ADAM12: variants seen among roughly 807,000 people sequenced by gnomAD.
The protein encoded by ADAM12 is ADAM metallopeptidase domain 12.
ADAM12 carries 70 observed loss-of-function variants against 106.4 expected under a neutral mutation model. The ratio of observed to expected loss-of-function variants is 0.66; its 90% CI spans 0.54 to 0.80. The LOEUF (loss-of-function observed/expected upper bound fraction) is 0.80. Ranked by LOEUF, ADAM12 falls within the 30% of genes least tolerant of loss-of-function variation. ADAM12 has a pLI of 0.00. For synonymous variants in ADAM12, 420 were observed against 433.5 expected (o/e 0.97, Z 0.39); for missense variants, 1,010 against 1,171.9 (o/e 0.86, Z 2.02).
intron 11 of ADAM12, among the ~76,000 whole-genome samples, chr10:126,072,458 T>C (rs970209603): frequency 4.6e-5 from 7 of 152,044 alleles, no homozygotes; most frequent in Non-Finnish European, 8.8e-5. Context: ...TTTAAGCGAG[T>C]ATTCCTTCTT....
At chr10:126,315,585 G>A (rs556532257) in intron 2 of ADAM12, among the ~76,000 whole-genome samples, 33 of 152,102 alleles carry the variant, frequency 2.2e-4, no homozygotes, top group South Asian at 2.1e-4. Flanking sequence ...CATCACAGGC[G>A]TTTCCCATGG....
At chr10:126,175,776 A>G (rs149871168) in intron 3 of ADAM12, among the ~76,000 whole-genome samples, 282 of 152,314 alleles carry the variant, frequency 1.9e-3, no homozygotes, top group African/African-American at 6.4e-3. Flanking sequence ...ACTTTGCAAA[A>G]CAAGCCCAGC....
intron 3 of ADAM12, among the ~76,000 whole-genome samples, chr10:126,192,814 CTGGTCCTCCTCAAAT>C (rs1240785377): frequency 6.6e-6 from 1 of 152,246 alleles, no homozygotes; most frequent in Non-Finnish European, 1.5e-5. Context: ...ATGTGACTAT[CTGGTCCTCCTCAAAT>C]GGCCTTGACT....
chr10:126,340,044 G>A (rs1036218019), intron 1 of ADAM12, among the ~76,000 whole-genome samples: 17 of 151,804 alleles, frequency 1.1e-4, no homozygotes, highest in African/African-American at 3.1e-4. Flanking sequence ...TAGTAGAGAT[G>A]GGGTTTCACC....
intron 3 of ADAM12, among the ~76,000 whole-genome samples, chr10:126,263,351 C>T (rs1405488703): frequency 6.6e-6 from 1 of 152,154 alleles, no homozygotes; most frequent in Admixed American, 6.5e-5. Flanking sequence ...TGAGAGAACT[C>T]AGGACCAGAG....
intron 3 of ADAM12, among the ~76,000 whole-genome samples, chr10:126,226,764 G>A (rs995872641): frequency 3.3e-5 from 5 of 152,148 alleles, no homozygotes; most frequent in African/African-American, 1.2e-4. Context: ...TTTACTGAGC[G>A]ATTACTATGT....
chr10:126,276,039 A>G (rs1469966797), intron 3 of ADAM12, among the ~76,000 whole-genome samples: 6 of 152,216 alleles, frequency 3.9e-5, no homozygotes, highest in African/African-American at 1.4e-4. Context: ...TGATTATACC[A>G]TGAATTTTTT....
chr10:126,385,700 AAAG>A (rs1361732511), intron 1 of ADAM12, among the ~76,000 whole-genome samples: 1 of 152,112 alleles, frequency 6.6e-6, no homozygotes, highest in African/African-American at 2.4e-5. Context: ...GGGTAGTTGA[AAAG>A]AAGAGAAGGC....
chr10:126,195,999 T>G lies in ADAM12; in HGVS notation c.261-40694A>C, dbSNP rs1957591010. On this transcript the variant is annotated intron_variant, in intron 3 of 22. Coordinates refer to ENST00000448723, the MANE Select transcript of ADAM12 (RefSeq NM_001288973.2). ...AGCGGATGGCCTCCAGGGGCCTGTTTCTTATAAAGTTTTATAGGAATGCAG... is the reference window on the plus strand; with the variant it reads ...AGCGGATGGCCTCCAGGGGCCTGTTGCTTATAAAGTTTTATAGGAATGCAG... Among the ~76,000 whole-genome samples, 22 of 152,204 alleles carry G rather than the reference T, an allele frequency of 1.4e-4. 1 individual carries two copies. The highest frequency in any genetic ancestry group is 1.4e-3 in the Admixed American group (22 of 15,278).
At chr10:126,368,270 T>C (rs1323907423) in intron 1 of ADAM12, among the ~76,000 whole-genome samples, 3 of 151,816 alleles carry the variant, frequency 2.0e-5, no homozygotes, top group African/African-American at 7.2e-5. Context: ...GTTATTTATA[T>C]TAAAACTCTT....
intron 16 of ADAM12, among the ~76,000 whole-genome samples, chr10:126,048,057 C>G (rs2133433295): frequency 6.6e-6 from 1 of 152,322 alleles, no homozygotes; most frequent in East Asian, 1.9e-4. Flanking sequence ...AAACCAACTA[C>G]CACATGTTCT....
At chr10:126,069,556 A>C (rs115342783) in intron 12 of ADAM12, among the ~76,000 whole-genome samples, 3 of 152,254 alleles carry the variant, frequency 2.0e-5, no homozygotes, top group Admixed American at 2.0e-4. Context: ...TGACTCCTTC[A>C]TGGAGAAAAG....
chr10:126,260,255 A>G (rs1302033843), intron 3 of ADAM12, among the ~76,000 whole-genome samples: 1 of 152,198 alleles, frequency 6.6e-6, no homozygotes, highest in African/African-American at 2.4e-5. Flanking sequence ...GACTATCCAT[A>G]CTCACAGGCA....
At chr10:126,385,776 A>G (rs1474182241) in intron 1 of ADAM12, among the ~76,000 whole-genome samples, 1 of 152,178 alleles carries the variant, frequency 6.6e-6, no homozygotes, top group Non-Finnish European at 1.5e-5. Flanking sequence ...AAAGGAAAAC[A>G]GGAATTAGGT....
chr10:126,142,255 GTCTCACAGCCTTCAGAGC>G (rs1210581293), intron 4 of ADAM12, among the ~76,000 whole-genome samples: 1 of 152,172 alleles, frequency 6.6e-6, no homozygotes, highest in Non-Finnish European at 1.5e-5. Context: ...GAAATCAGGG[GTCTCACAGCCTTCAGAGC>G]TGAGAGCCCT....
chr10:126,080,743 T>TG (rs1217633012), intron 11 of ADAM12, among the ~76,000 whole-genome samples: 4 of 148,650 alleles, frequency 2.7e-5, no homozygotes, highest in African/African-American at 7.6e-5. Context: ...TGGGTGATTT[T>TG]GGGGAAAAAA....
intron 13 of ADAM12, among the ~76,000 whole-genome samples, chr10:126,065,745 TA>T (rs1183178827): frequency 6.6e-6 from 1 of 152,140 alleles, no homozygotes; most frequent in Non-Finnish European, 1.5e-5. Context: ...AAGCAATTGT[TA>T]AAAAGTCATA....
chr10:126,276,604 A>C (rs532305306), intron 3 of ADAM12, among the ~76,000 whole-genome samples: 20 of 152,352 alleles, frequency 1.3e-4, no homozygotes, highest in African/African-American at 4.8e-4. Flanking sequence ...TCTTATTATG[A>C]AAATGTTACT....
chr10:126,035,880 C>T (rs751917350), intron 21 of ADAM12, among the ~76,000 whole-genome samples: 1 of 152,064 alleles, frequency 6.6e-6, no homozygotes, highest in East Asian at 1.9e-4. Context: ...ATAGTGTCAT[C>T]GTTTAGTTGC....
Sources: allele counts gnomAD v4.1 joint callset (sites outside exome capture counted in the v4.1 genomes callset), GRCh38; gene constraint gnomAD v4.1.1; transcripts MANE v1.5; gene names NCBI Gene and HGNC (gene_info 2026-07-23, HGNC 2026-07-21).